The following AASDHPPT variants were observed in gnomAD, a reference collection of about 807,000 sequenced individuals.
AASDHPPT encodes aminoadipate-semialdehyde dehydrogenase-phosphopantetheinyl transferase.
AASDHPPT carries 23 observed loss-of-function variants against 36.4 expected under a neutral mutation model. The ratio of observed to expected loss-of-function variants is 0.63; its 90% confidence interval spans 0.45 to 0.89. The LOEUF (loss-of-function observed/expected upper bound fraction) is 0.89. AASDHPPT is among the 40% of genes least tolerant of loss of function. The pLI is 0.00. For missense variants in AASDHPPT, 377 were observed against 378.2 expected, an observed-to-expected ratio of 1.00 and a Z score of 0.03; for synonymous variants, 115 against 128.0, an observed-to-expected ratio of 0.90 and a Z score of 0.68.
At chr11:106,089,226 C>G (rs1861230557) in intron 2 of AASDHPPT, among the ~76,000 whole-genome samples, 1 of 151,962 alleles carries the variant, frequency 6.6e-6, no homozygotes, top group African/African-American at 2.4e-5. Flanking sequence ...TCTTCAACAT[C>G]TTTTTTCTCC....
chr11:106,081,616 CACAACTACCTGGTAATA>C (rs148829892), intron 2 of AASDHPPT, among the ~76,000 whole-genome samples: 21,749 of 152,096 alleles, frequency 0.14, 3,311 homozygotes, highest in African/African-American at 0.37. Flanking sequence ...ATGCAGTCAG[CACAACTACCTGGTAATA>C]ATTGGCCCAG....
rs1478400800 is a variant in AASDHPPT at position 106,098,440 on chromosome 11, T to C, written c.*1533T>C. On this transcript the variant is annotated 3_prime_UTR_variant, in exon 6 of 6. Coordinates refer to ENST00000278618, the MANE Select transcript of AASDHPPT (RefSeq NM_015423.3). ...TTAAGTATCAAGAAGTAAAATAATTTCATTGTTTCTGTTACTAACATTAAA... is the reference window on the plus strand; with the variant it reads ...TTAAGTATCAAGAAGTAAAATAATTCCATTGTTTCTGTTACTAACATTAAA... 1.3e-5 allele frequency: 2 copies of C among 152,110 alleles called. No individual in the cohort carries two copies. The highest frequency in any genetic ancestry group is 2.9e-5 in the Non-Finnish European group (2 of 67,972). 9.4% of individuals were successfully genotyped at this position (152,110 alleles called of 1,614,324 possible).
At position 106,083,937 on chromosome 11, in the gene AASDHPPT, C is replaced by T. The variant is rs1342189621; in HGVS notation, c.409+4245C>T. 2.0e-5 allele frequency among the ~76,000 whole-genome samples: 3 copies of T among 151,492 alleles called. No homozygotes were observed. The East Asian group carries it at 5.8e-4, about 29-fold the overall frequency. On this transcript the variant is annotated intron_variant, in intron 2 of 5. Transcript: ENST00000278618. ...AAAAATTATATTCCAAAAATATAAC[C>T]AAATACAAAAGATAAATAATAGAAT...
chr11:106,077,717 T>A lies in AASDHPPT; in HGVS notation c.7T>A (p.Phe3Ile). The A allele has an allele frequency of 6.2e-7, 1 of 1,613,642 alleles. No homozygotes were observed. The highest frequency in any genetic ancestry group is 1.1e-5 in the South Asian group (1 of 91,070). ...CGAGGTCCGCTTTCAGTGTATGGTTTTCCCTGCCAAACGGTTCTGCTTGGT... is the reference window on the plus strand; with the variant it reads ...CGAGGTCCGCTTTCAGTGTATGGTTATCCCTGCCAAACGGTTCTGCTTGGT... MV[F>I]PAKRFCLVPS... The change falls in exon 1 of 6, where the codon TTC becomes ATC. Residue 3 changes from phenylalanine (F) to isoleucine (I), a missense_variant. Coordinates refer to ENST00000278618, the MANE Select transcript of AASDHPPT (RefSeq NM_015423.3).
chr11:106,091,247 G>T, intron 3 of AASDHPPT, 69 bp from the exon 4 acceptor site: 1 of 1,368,192 alleles, frequency 7.3e-7, no homozygotes, highest in Non-Finnish European at 1.0e-6. Flanking sequence ...CCTATCTTTT[G>T]GACCTGTAGA....
Position 106,097,630 on chromosome 11 carries a change from GTAAAATTGTA to G in AASDHPPT, c.*725_*734del, listed in dbSNP as rs1861330103. On this transcript the variant is annotated 3_prime_UTR_variant, in exon 6 of 6. Coordinates refer to ENST00000278618, the MANE Select transcript of AASDHPPT (RefSeq NM_015423.3). ...CTATAACTTCCAGTTTTACATCTTT[GTAAAATTGTA>G]TCTCAAAGGCAGAAAAGGCCATTTC... 6.6e-6 allele frequency: 1 copy of G among 152,052 alleles called. No homozygotes were observed. The highest frequency in any genetic ancestry group is 1.5e-5 in the Non-Finnish European group (1 of 67,976). The allele number at this position is 152,052 out of a possible 1,614,324, so 9.4% of individuals were successfully genotyped here.
rs374891598 is a variant in AASDHPPT at position 106,096,955 on chromosome 11, G to A, written c.*48G>A. 102 of 1,488,182 alleles carry A rather than the reference G, an allele frequency of 6.9e-5. No homozygotes were observed. The highest frequency in any genetic ancestry group is 2.6e-4 in the African/African-American group (18 of 68,512). The allele number at this position is 1,488,182 out of a possible 1,614,324, so 92.2% of individuals were successfully genotyped here. A position where few individuals can be genotyped will look rare whatever the true frequency, so the allele number is the denominator to read the frequency against. On this transcript the variant is annotated 3_prime_UTR_variant, in exon 6 of 6. Coordinates refer to ENST00000278618, the MANE Select transcript of AASDHPPT (RefSeq NM_015423.3). The stretch of plus-strand genomic sequence containing the variant: ...AAATGAAAACTGTTTGTGATCTTCC[G>A]TATTCACTGAAAAATAAATGCTTGT...
chr11:106,098,020 A>G lies in AASDHPPT; in HGVS notation c.*1113A>G, dbSNP rs1345706614. 6.6e-6 allele frequency: 1 copy of G among 152,110 alleles called. No individual in the cohort carries two copies. Among genetic ancestry groups the G allele is most frequent in the Non-Finnish European group, 1.5e-5 (1 of 67,994 alleles). The allele number at this position is 152,110 out of a possible 1,614,324, so 9.4% of individuals were successfully genotyped here. On this transcript the variant is annotated 3_prime_UTR_variant, in exon 6 of 6. Coordinates refer to ENST00000278618, the MANE Select transcript of AASDHPPT (RefSeq NM_015423.3). ...CCTTGAGAAAGTTTCTAAAAGTGGA[A>G]TGATTGGTTTGACTGGTTCATAGGG...
At chr11:106,085,496 T>G (rs1861189031) in intron 2 of AASDHPPT, among the ~76,000 whole-genome samples, 2 of 152,174 alleles carry the variant, frequency 1.3e-5, no homozygotes, top group Admixed American at 1.3e-4. Context: ...AACCACTAAG[T>G]CAACAGATAT....
intron 1 of AASDHPPT, among the ~76,000 whole-genome samples, chr11:106,078,740 T>C (rs1486304098): frequency 6.6e-6 from 1 of 152,202 alleles, no homozygotes; most frequent in Non-Finnish European, 1.5e-5. Context: ...AGTGTTAGAA[T>C]TGAAGAAGAA....
In AASDHPPT at chr11:106,082,022, A is replaced by AATAAT. The variant is rs1452920275; in HGVS notation, c.409+2331_409+2332insTAATA. On this transcript the variant is annotated intron_variant, in intron 2 of 5. Transcript: ENST00000278618. ...TAAAGTATAATAATAATAATAATAA[A>AATAAT]AAAGAAAAATAAATGATGGAAAGAC... 4.1e-3 allele frequency among the ~76,000 whole-genome samples: 626 copies of AATAAT among 151,678 alleles called. 12 individuals carry two copies. Among genetic ancestry groups the AATAAT allele is most frequent in the Non-Finnish European group, 3.2e-3 (217 of 67,814 alleles).
intron 2 of AASDHPPT, among the ~76,000 whole-genome samples, chr11:106,080,029 A>G (rs997168425): frequency 3.3e-5 from 5 of 152,160 alleles, no homozygotes; most frequent in African/African-American, 1.2e-4. Flanking sequence ...TTGTTTTTTA[A>G]AAAAGAATCT....
chr11:106,089,954 A>G (rs1861238135), intron 2 of AASDHPPT, among the ~76,000 whole-genome samples: 1 of 152,046 alleles, frequency 6.6e-6, no homozygotes, highest in Non-Finnish European at 1.5e-5. Context: ...TATTTGAATA[A>G]GTCATATTAG....
At chr11:106,090,425 T>C in intron 2 of AASDHPPT, 132 bp from the exon 3 acceptor site, 1 of 664,940 alleles carries the variant, frequency 1.5e-6, no homozygotes, top group Non-Finnish European at 2.3e-6. Context: ...TTTAGGATTA[T>C]TTTAAATGTA....
chr11:106,087,291 C>T (rs534024603), intron 2 of AASDHPPT, among the ~76,000 whole-genome samples: 3 of 152,170 alleles, frequency 2.0e-5, no homozygotes, highest in African/African-American at 7.2e-5. Context: ...TGGATAAGTT[C>T]CTGGACAAAT....
intron 2 of AASDHPPT, among the ~76,000 whole-genome samples, chr11:106,082,617 T>TA (rs1451635296): frequency 6.6e-6 from 1 of 152,108 alleles, no homozygotes; most frequent in Non-Finnish European, 1.5e-5. Flanking sequence ...CATGGTGCAT[T>TA]AACCATTTCT....
intron 2 of AASDHPPT, among the ~76,000 whole-genome samples, chr11:106,086,772 C>A (rs146317842): frequency 5.4e-4 from 82 of 152,208 alleles, no homozygotes; most frequent in African/African-American, 1.9e-3. Context: ...CTTGTGAAAG[C>A]AGAAAACAAG....
chr11:106,087,534 A>G lies in AASDHPPT; in HGVS notation c.410-3023A>G, dbSNP rs149214529. Among the ~76,000 whole-genome samples, 1,161 of 152,198 alleles carry G rather than the reference A, an allele frequency of 7.6e-3. 19 individuals carry two copies. The highest frequency in any genetic ancestry group is 0.025 in the African/African-American group (1,051 of 41,530). ...CACTTCCCTCAAAAATGACCAGCCC[A>G]TTTTCCTAAAGGCTGAGGTAGTTAT... On this transcript the variant is annotated intron_variant, in intron 2 of 5. Coordinates refer to ENST00000278618, the MANE Select transcript of AASDHPPT (RefSeq NM_015423.3).
intron 4 of AASDHPPT, chr11:106,092,392 G>A (rs1861264275): frequency 6.6e-6 from 1 of 152,094 alleles, no homozygotes; most frequent in Admixed American, 6.6e-5. Context: ...TAAATGAGAT[G>A]TTAAGTTTGA....
Sources: allele counts gnomAD v4.1 joint callset (sites outside exome capture counted in the v4.1 genomes callset), GRCh38; gene constraint gnomAD v4.1.1; transcripts MANE v1.5; gene names NCBI Gene and HGNC (gene_info 2026-07-23, HGNC 2026-07-21).